Variants in WIPF1 observed in about 807,000 individuals in gnomAD.
WIPF1 encodes the protein WAS/WASL interacting protein family member 1.
WIPF1 carries 13 observed loss-of-function variants against 35.4 expected under a neutral mutation model. The ratio of observed to expected loss-of-function variants is 0.37; its 90% CI spans 0.24 to 0.58. The LOEUF (loss-of-function observed/expected upper bound fraction) is 0.58. WIPF1 is among the 20% of genes least tolerant of loss of function. WIPF1 has a pLI of 0.74. For synonymous variants in WIPF1, 267 were observed against 266.3 expected (o/e 1.00, Z -0.02); for missense variants, 591 against 667.0 (o/e 0.89, Z 1.25).
upstream of WIPF1, chr2:174,598,274 G>T (rs1685885074): frequency 6.6e-6 from 1 of 152,146 alleles, no homozygotes. Flanking sequence ...CAGGTCAGGT[G>T]TATGAAGGCA....
intron 1 of WIPF1, among the ~76,000 whole-genome samples, chr2:174,620,268 G>T (rs1686634369): frequency 6.6e-6 from 1 of 152,128 alleles, no homozygotes; most frequent in African/African-American, 2.4e-5. Context: ...AAATGACCTG[G>T]GTAATATACT....
intron 6 of WIPF1, 86 bp downstream of exon 6, chr2:174,567,775 A>T: frequency 1.4e-6 from 2 of 1,410,524 alleles, no homozygotes; most frequent in African/African-American, 1.4e-5. Context: ...ACAAGAAATT[A>T]AACGCAAACA....
chr2:174,600,912 C>CTTTTTTTT (rs1157973597), upstream of WIPF1, among the ~76,000 whole-genome samples: 5 of 65,428 alleles, frequency 7.6e-5, no homozygotes, highest in South Asian at 4.7e-4. Context: ...CATAATGTTC[C>CTTTTTTTT]TTTTTTTTTT....
chr2:174,571,714 C>T lies in WIPF1; in HGVS notation c.1091G>A (p.Arg364Lys), dbSNP rs749899681. 9 of 1,614,000 alleles carry T rather than the reference C, an allele frequency of 5.6e-6. No individual in the cohort carries two copies. Among genetic ancestry groups the T allele is most frequent in the Non-Finnish European group, 7.6e-6 (9 of 1,180,044 alleles). Residue 364 changes from arginine (R) to lysine (K), a missense_variant, in exon 5 of 8, where the codon AGA becomes AAA. By Grantham distance (26) the Arg-to-Lys change is conservative. Transcript: ENST00000679041. This position sits in a 1 kb window ranked among gnomAD's most constrained non-coding sequence, Gnocchi z 4.6. ...CGGGTCCCTCACTGGAGGTGGGGGT[C>T]TCTCACTGGGCGGGGGAGGAAGAGG... ...SGPLPPPPSE[R>K]PPPPVRDPPG...
chr2:174,600,912 CTTTTTTTTTTTTTTT>C (rs1157973597), upstream of WIPF1, among the ~76,000 whole-genome samples: 12 of 65,426 alleles, frequency 1.8e-4, no homozygotes, highest in African/African-American at 5.3e-4. Context: ...CATAATGTTC[CTTTTTTTTTTTTTTT>C]TTTTTTTTTT....
intron 1 of WIPF1, among the ~76,000 whole-genome samples, chr2:174,619,092 C>T (rs1474360504): frequency 6.6e-6 from 1 of 151,972 alleles, no homozygotes; most frequent in Non-Finnish European, 1.5e-5. Context: ...TAGCTGGGAC[C>T]ACAGACGCAT....
intron 1 of WIPF1, among the ~76,000 whole-genome samples, chr2:174,675,339 A>G (rs977701582): frequency 5.3e-5 from 8 of 152,030 alleles, no homozygotes; most frequent in Admixed American, 5.2e-4. Flanking sequence ...TTACAACTAC[A>G]ATGTAATTTT....
intron 1 of WIPF1, among the ~76,000 whole-genome samples, chr2:174,604,566 A>G (rs868768228): frequency 2.6e-5 from 4 of 151,744 alleles, no homozygotes; most frequent in Admixed American, 6.5e-5. Flanking sequence ...AATCATGCTG[A>G]AACTTTAAAA....
chr2:174,635,405 G>A lies in WIPF1; in HGVS notation c.-39+47369C>T, dbSNP rs548952667. On this transcript the variant is annotated intron_variant, in intron 1 of 8. Coordinates refer to the WIPF1 transcript ENST00000272746. The stretch of plus-strand genomic sequence containing the variant: ...CTGACAAGAGCACCAGAAGAGTGCC[G>A]GCTGTGACCCTCTCTGCCCTGTACA... 9.2e-5 allele frequency among the ~76,000 whole-genome samples: 14 copies of A among 152,254 alleles called. 1 individual carries two copies. The highest frequency in any genetic ancestry group is 2.9e-4 in the African/African-American group (12 of 41,548).
chr2:174,623,389 G>A (rs960573717), intron 1 of WIPF1: 2 of 152,202 alleles, frequency 1.3e-5, no homozygotes, highest in Non-Finnish European at 2.9e-5. Flanking sequence ...CTGCTTCCAA[G>A]TTCACTCACA....
chr2:174,592,933 G>T (rs1371806069), intron 1 of WIPF1, among the ~76,000 whole-genome samples: 1 of 152,044 alleles, frequency 6.6e-6, no homozygotes, highest in Non-Finnish European at 1.5e-5. Context: ...TATATATAAT[G>T]CTCTTAACTC....
rs569427833 is a variant in WIPF1 at position 174,625,008 on chromosome 2, T to C, written c.-38-39397A>G. Among the ~76,000 whole-genome samples the C allele has an allele frequency of 6.6e-4, 100 of 152,278 alleles. 1 individual carries two copies. The Middle Eastern group carries it at 0.014, about 21-fold the overall frequency. On this transcript the variant is annotated intron_variant, in intron 1 of 8. Transcript: ENST00000272746. ...GAGCCCTGAGCTCAGGCCAGAGCCT[T>C]AAGGTCCTGGACCACTTCCAAGGCT...
intron 1 of WIPF1, among the ~76,000 whole-genome samples, chr2:174,670,125 G>T (rs115894563): frequency 6.6e-6 from 1 of 151,984 alleles, no homozygotes; most frequent in Non-Finnish European, 1.5e-5. Context: ...TCCTGGCACC[G>T]CCAGGAGTCC....
At chr2:174,599,563 G>A (rs6748321), upstream of WIPF1, among the ~76,000 whole-genome samples, 2,562 of 152,234 alleles carry the variant, frequency 0.017, 60 homozygotes, top group African/African-American at 0.059. Flanking sequence ...CAGGCATGGG[G>A]CTGGACAGAG....
chr2:174,637,895 T>C (rs967415960), intron 1 of WIPF1, among the ~76,000 whole-genome samples: 3 of 152,248 alleles, frequency 2.0e-5, no homozygotes, highest in African/African-American at 7.2e-5. Context: ...TTCCCCTACA[T>C]ATTTTTAACA....
At chr2:174,666,188 G>C (rs1234684586) in intron 1 of WIPF1, among the ~76,000 whole-genome samples, 1 of 152,184 alleles carries the variant, frequency 6.6e-6, no homozygotes, top group Non-Finnish European at 1.5e-5. Flanking sequence ...GCTGAGGCAG[G>C]AGGATTCCTT....
Position 174,571,730 on chromosome 2 carries a change from G to A in WIPF1, c.1075C>T (p.Pro359Ser), listed in dbSNP as rs1684850201. The change falls in exon 5 of 8, where the codon CCC (proline) becomes TCC (serine). Residue 359 changes from proline (P) to serine (S), a missense_variant. Coordinates refer to ENST00000679041, the MANE Select transcript of WIPF1 (RefSeq NM_001375834.1). The surrounding 1 kb of genome is among the most constrained non-coding windows in gnomAD (Gnocchi z 4.6). The stretch of plus-strand genomic sequence containing the variant: ...GGTGGGGGTCTCTCACTGGGCGGGG[G>A]AGGAAGAGGACCTGAACGTCCTGGC... ...PSPGRSGPLP[P>S]PPSERPPPPV... 3.7e-6 allele frequency: 6 copies of A among 1,614,206 alleles called. No individual in the cohort carries two copies. The East Asian group carries it at 1.1e-4, about 30-fold the overall frequency.
At chr2:174,624,970 T>C (rs1313749532) in intron 1 of WIPF1, among the ~76,000 whole-genome samples, 1 of 152,176 alleles carries the variant, frequency 6.6e-6, no homozygotes, top group Non-Finnish European at 1.5e-5. Flanking sequence ...GACAGAGCCC[T>C]GTCCATTTTT....
chr2:174,627,448 CCTTT>C (rs750618456), intron 1 of WIPF1, among the ~76,000 whole-genome samples: 8 of 149,782 alleles, frequency 5.3e-5, no homozygotes, highest in South Asian at 2.1e-4. Flanking sequence ...CTCTTTCTTT[CCTTT>C]CTTTCTTCCT....
Sources: allele counts gnomAD v4.1 joint callset (sites outside exome capture counted in the v4.1 genomes callset), GRCh38; gene constraint gnomAD v4.1.1; non-coding constraint Gnocchi (gnomAD v3.1); transcripts MANE v1.5; gene names NCBI Gene and HGNC (gene_info 2026-07-23, HGNC 2026-07-21).